Variants in ZFP3 observed in about 807,000 individuals in gnomAD.
The protein encoded by ZFP3 is zinc finger protein 3 homolog.
Under a neutral mutation model 36.7 loss-of-function variants are expected in ZFP3, and 18 were observed. That is an observed-to-expected ratio of 0.49 (90% CI 0.34 to 0.73). The LOEUF is 0.73. Ranked by LOEUF, ZFP3 falls within the 30% of genes least tolerant of loss-of-function variation. The probability of loss-of-function intolerance (pLI) is 0.01; values close to 1 mark genes in which losing one functional copy is unlikely to be tolerated. For synonymous variants in ZFP3, 218 were observed against 199.0 expected (o/e 1.10, Z -0.81); for missense variants, 495 against 599.0 (o/e 0.83, Z 1.81).
In ZFP3 at chr17:5,082,065, A is replaced by C. The variant is rs185460377; in HGVS notation, c.-9+3490A>C. Among the ~76,000 whole-genome samples, 452 of 149,802 alleles carry C rather than the reference A, an allele frequency of 3.0e-3. 5 individuals carry two copies. Among genetic ancestry groups the C allele is most frequent in the African/African-American group, 0.011 (429 of 40,810 alleles). ...CGCCTCTACTAAAAATACAAAAAAC[A>C]GGCTGGGCACGGTGCCTCACGCCTG... On this transcript the variant is annotated intron_variant, in intron 1 of 1. Transcript: ENST00000318833.
chr17:5,092,455 C>T lies in ZFP3; in HGVS notation c.951C>T (p.Gly317=). Residue 317 remains glycine (G), a synonymous_variant, in exon 2 of 2, where the codon GGC becomes GGT. Transcript: ENST00000318833. This position sits in a 1 kb window ranked among gnomAD's most constrained non-coding sequence, Gnocchi z 5.0. ...KPYLCNECGK[G]FGQSSELIRH... is the part of the protein sequence containing the mutation. ...ATCTGTGTAATGAATGTGGGAAGGG[C>T]TTCGGGCAGAGTTCTGAGCTTATCC... The T allele has an allele frequency of 1.2e-6, 2 of 1,614,018 alleles. No homozygotes were observed. Among genetic ancestry groups the T allele is most frequent in the East Asian group, 2.2e-5 (1 of 44,892 alleles).
In ZFP3 at chr17:5,093,173, C is replaced by T. The variant is rs966472011; in HGVS notation, c.*160C>T. ...AAATAGTTGGTTGAAGAAGATGAGGCACTTTTTTTTTTTTTTTTTTAAGCA... is the reference window on the plus strand; with the variant it reads ...AAATAGTTGGTTGAAGAAGATGAGGTACTTTTTTTTTTTTTTTTTTAAGCA... On this transcript the variant is annotated 3_prime_UTR_variant, in exon 2 of 2. Coordinates refer to ENST00000318833, the MANE Select transcript of ZFP3 (RefSeq NM_153018.3). 6.8e-6 allele frequency: 4 copies of T among 592,342 alleles called. No homozygotes were observed. The highest frequency in any genetic ancestry group is 9.8e-6 in the Non-Finnish European group (4 of 408,796). The allele number at this position is 592,342 out of a possible 1,614,324, so 36.7% of individuals were successfully genotyped here. A position where few individuals can be genotyped will look rare whatever the true frequency, so the allele number is the denominator to read the frequency against.
Position 5,091,475 on chromosome 17 carries a change from A to G in ZFP3, c.-8-22A>G, listed in dbSNP as rs1356847812. On this transcript the variant is annotated intron_variant, in intron 1 of 1. Transcript: ENST00000318833. ...TTTAAATATGATACGGTCCCTTCAC[A>G]TACTTACCTCTCTCATTTCAGATTG... is the stretch of plus-strand genomic sequence containing the variant. The G allele has an allele frequency of 3.1e-6, 5 of 1,605,768 alleles. No homozygotes were observed. In the South Asian group the frequency reaches 3.3e-5, roughly 11 times the overall value.
At position 5,092,209 on chromosome 17, in the gene ZFP3, T is replaced by C. The variant is rs186633035; in HGVS notation, c.705T>C (p.Ser235=). The change falls in exon 2 of 2, where the codon AGT becomes AGC. Residue 235 remains serine (S), a synonymous_variant. Coordinates refer to ENST00000318833, the MANE Select transcript of ZFP3 (RefSeq NM_153018.3). This position sits in a 1 kb window ranked among gnomAD's most constrained non-coding sequence, Gnocchi z 5.0. ...YKCEECGKAF[S]QNSALILHQR... is the part of the protein sequence containing the mutation. Reference sequence around the variant, plus strand: ...GTGAAGAATGTGGTAAAGCCTTCAGTCAAAATTCAGCCCTTATTCTACACC... The same window carrying C: ...GTGAAGAATGTGGTAAAGCCTTCAGCCAAAATTCAGCCCTTATTCTACACC... 4 of 1,614,040 alleles carry C rather than the reference T, an allele frequency of 2.5e-6. No homozygotes were observed. Among genetic ancestry groups the C allele is most frequent in the East Asian group, 2.2e-5 (1 of 44,866 alleles).
rs12600437 is a variant in ZFP3, at chr17:5,094,138, G to A, written c.*1125G>A. 0.16 allele frequency: 27,168 copies of A among 167,184 alleles called. 2,912 individuals carry two copies. The highest frequency in any genetic ancestry group is 0.49 in the South Asian group (2,362 of 4,826). 10.4% of individuals were successfully genotyped at this position (167,184 alleles called of 1,614,324 possible). ...CACTTAAGTTCTCATGACCTGGACC[G>A]CACTGGAGGCCCTGGCTAAGTCAGG... On this transcript the variant is annotated 3_prime_UTR_variant, in exon 2 of 2. Transcript: ENST00000318833.
chr17:5,092,722 T>C lies in ZFP3; in HGVS notation c.1218T>C (p.Ser406=). ...GTGGAAAGGCTTTCAGGCGGACCTC[T>C]CACCTTATTGTCCACCAGAGAATTC... The part of the protein sequence containing the change: ...FECGKAFRRT[S]HLIVHQRIHT... The change falls in exon 2 of 2, where the codon TCT becomes TCC. Residue 406 remains serine (S), a synonymous_variant. Coordinates refer to ENST00000318833, the MANE Select transcript of ZFP3 (RefSeq NM_153018.3). This position sits in a 1 kb window ranked among gnomAD's most constrained non-coding sequence, Gnocchi z 5.0. 6.2e-7 allele frequency: 1 copy of C among 1,613,600 alleles called. No homozygotes were observed. Among genetic ancestry groups the C allele is most frequent in the Non-Finnish European group, 8.5e-7 (1 of 1,179,868 alleles).
intron 1 of ZFP3, among the ~76,000 whole-genome samples, chr17:5,079,196 A>G: frequency 6.6e-6 from 1 of 152,226 alleles, no homozygotes; most frequent in Non-Finnish European, 1.5e-5. Flanking sequence ...CTTTAGATAT[A>G]ATGATGAATG....
Position 5,089,827 on chromosome 17 carries a change from T to TA in ZFP3, c.-8-1664dup, listed in dbSNP as rs1454413792. On this transcript the variant is annotated intron_variant, in intron 1 of 1. Coordinates refer to ENST00000318833, the MANE Select transcript of ZFP3 (RefSeq NM_153018.3). The stretch of plus-strand genomic sequence containing the variant: ...CATGCCACTGCCCCTGGCCAATTTT[T>TA]AAAAAATTTTAGTTGAGACAAGATC... Among the ~76,000 whole-genome samples, 3 of 152,160 alleles carry TA rather than the reference T, an allele frequency of 2.0e-5. No homozygotes were observed. In the East Asian group the frequency reaches 5.8e-4, roughly 29 times the overall value.
At position 5,091,690 on chromosome 17, in the gene ZFP3, G is replaced by A. The variant is rs747596740; in HGVS notation, c.186G>A (p.Met62Ile). The change falls in exon 2 of 2, where the codon ATG becomes ATA. Residue 62 changes from methionine to isoleucine, a missense_variant. Physicochemically the swap from Met to Ile is conservative, Grantham distance 10 (BLOSUM62 1). Around this residue, in one of 3 missense-constraint regions of ZFP3, gnomAD observed 229 missense variants for 233.8 expected, o/e 0.98. Transcript: ENST00000318833. ...CCATGGAAGAGGTTATAGAGCAGATGTCTCCTCAGGAGAGAGACTTTCCAT... is the reference window on the plus strand; with the variant it reads ...CCATGGAAGAGGTTATAGAGCAGATATCTCCTCAGGAGAGAGACTTTCCAT... ...RESMEEVIEQ[M>I]SPQERDFPSG... 8 of 1,614,118 alleles carry A rather than the reference G, an allele frequency of 5.0e-6. No individual in the cohort carries two copies. Among genetic ancestry groups the A allele is most frequent in the South Asian group, 2.2e-5 (2 of 91,094 alleles).
chr17:5,084,005 T>C (rs1401935486), intron 1 of ZFP3, among the ~76,000 whole-genome samples: 2 of 151,974 alleles, frequency 1.3e-5, no homozygotes, highest in Admixed American at 1.3e-4. Flanking sequence ...TAGCTGGGAT[T>C]ATAAGCACCC....
intron 1 of ZFP3, among the ~76,000 whole-genome samples, chr17:5,084,133 TG>T (rs1240465073): frequency 2.0e-5 from 3 of 152,166 alleles, no homozygotes; most frequent in Non-Finnish European, 4.4e-5. Flanking sequence ...CCCAAAGTGC[TG>T]GGATTACAGG....
intron 1 of ZFP3, among the ~76,000 whole-genome samples, chr17:5,081,347 CTT>C (rs1305490497): frequency 2.6e-5 from 4 of 152,058 alleles, no homozygotes; most frequent in Admixed American, 6.5e-5. Flanking sequence ...TTCCTGGCCT[CTT>C]GCTTGCCCAC....
chr17:5,090,174 A>ATTTAT (rs2072142690), intron 1 of ZFP3, among the ~76,000 whole-genome samples: 1 of 152,250 alleles, frequency 6.6e-6, no homozygotes, highest in African/African-American at 2.4e-5. Context: ...ATTTATACTA[A>ATTTAT]AGTTTACTTG....
intron 1 of ZFP3, among the ~76,000 whole-genome samples, chr17:5,080,228 T>C (rs1567747570): frequency 6.6e-6 from 1 of 152,166 alleles, no homozygotes; most frequent in Non-Finnish European, 1.5e-5. Context: ...GGCAGGAAAC[T>C]ATTCCCAGAA....
intron 1 of ZFP3, 116 bp from the exon 2 acceptor site, chr17:5,091,380 CT>C: frequency 1.7e-6 from 2 of 1,174,692 alleles, no homozygotes; most frequent in Non-Finnish European, 2.3e-6. Context: ...CCCTCCTCCC[CT>C]GACCAAGACT....
At position 5,093,175 on chromosome 17, in the gene ZFP3, CTT is replaced by C. The variant is rs61053618; in HGVS notation, c.*179_*180del. On this transcript the variant is annotated 3_prime_UTR_variant, in exon 2 of 2. Coordinates refer to ENST00000318833, the MANE Select transcript of ZFP3 (RefSeq NM_153018.3). The stretch of plus-strand genomic sequence containing the variant: ...ATAGTTGGTTGAAGAAGATGAGGCA[CTT>C]TTTTTTTTTTTTTTTTAAGCATTGG... The C allele has an allele frequency of 0.58, 282,593 of 489,790 alleles. 51,843 individuals carry two copies. Among genetic ancestry groups the C allele is most frequent in the Admixed American group, 0.69 (16,868 of 24,442 alleles). The allele number at this position is 489,790 out of a possible 1,614,324, so 30.3% of individuals were successfully genotyped here.
At position 5,092,021 on chromosome 17, in the gene ZFP3, G is replaced by C. The variant is rs1314834619; in HGVS notation, c.517G>C (p.Glu173Gln). Residue 173 changes from glutamate (E) to glutamine (Q), a missense_variant, in exon 2 of 2, where the codon GAA (glutamate) becomes CAA (glutamine). Transcript: ENST00000318833. This position sits in a 1 kb window ranked among gnomAD's most constrained non-coding sequence, Gnocchi z 5.0. ...HSGEKPFECK[E>Q]CGKTFGTNSS... ...TGGAGAAAAACCCTTTGAATGTAAAGAATGTGGAAAGACATTTGGAACTAA... is the reference window on the plus strand; with the variant it reads ...TGGAGAAAAACCCTTTGAATGTAAACAATGTGGAAAGACATTTGGAACTAA... 2 of 1,614,228 alleles carry C rather than the reference G, an allele frequency of 1.2e-6. No homozygotes were observed. The highest frequency in any genetic ancestry group is 1.7e-5 in the Admixed American group (1 of 60,030).
In ZFP3 at chr17:5,093,272, G is replaced by A. The variant is rs940592979; in HGVS notation, c.*259G>A. 2 of 381,644 alleles carry A rather than the reference G, an allele frequency of 5.2e-6. No individual in the cohort carries two copies. Among genetic ancestry groups the A allele is most frequent in the Non-Finnish European group, 9.7e-6 (2 of 206,184 alleles). The allele number at this position is 381,644 out of a possible 1,614,324, so 23.6% of individuals were successfully genotyped here. A position where few individuals can be genotyped will look rare whatever the true frequency, so the allele number is the denominator to read the frequency against. On this transcript the variant is annotated 3_prime_UTR_variant, in exon 2 of 2. Transcript: ENST00000318833. ...AACTCACTGCTTCCTTGAACTCCTG[G>A]GCTCAAACAGTCCTCCTGCCTCAGC...
Position 5,082,194 on chromosome 17 carries a change from A to C in ZFP3, c.-9+3619A>C, listed in dbSNP as rs370094814. Among the ~76,000 whole-genome samples the C allele has an allele frequency of 9.3e-4, 142 of 151,874 alleles. 5 individuals carry two copies. In the South Asian group the frequency reaches 0.028, roughly 30 times the overall value. On this transcript the variant is annotated intron_variant, in intron 1 of 1. Coordinates refer to ENST00000318833, the MANE Select transcript of ZFP3 (RefSeq NM_153018.3). ...AACCCTGTCTCTACTAAAAATATAAAAAATTAGCCGGGCCTGGTGGTGGGC... is the reference window on the plus strand; with the variant it reads ...AACCCTGTCTCTACTAAAAATATAACAAATTAGCCGGGCCTGGTGGTGGGC...
Sources: allele counts gnomAD v4.1 joint callset (sites outside exome capture counted in the v4.1 genomes callset), GRCh38; gene constraint gnomAD v4.1.1; regional missense constraint gnomAD v4.1.1; non-coding constraint Gnocchi (gnomAD v3.1); transcripts MANE v1.5; gene names NCBI Gene and HGNC (gene_info 2026-07-23, HGNC 2026-07-21).